Variants in MOB3B observed in about 807,000 individuals in gnomAD.
MOB3B encodes the protein MOB kinase activator-like 2B.
In MOB3B, 7 loss-of-function variants were observed where a neutral mutation model predicts 18.7. The observed-to-expected ratio is 0.37, with a 90% CI of 0.21 to 0.70. MOB3B has a LOEUF of 0.70. Ranked by LOEUF, MOB3B falls within the 30% of genes least tolerant of loss-of-function variation. The pLI, the probability that MOB3B is intolerant of heterozygous loss-of-function variation, is 0.52. For missense variants in MOB3B, 253 were observed against 281.3 expected, an observed-to-expected ratio of 0.90 and a Z score of 0.72; for synonymous variants, 111 against 99.9, an observed-to-expected ratio of 1.11 and a Z score of -0.66.
At chr9:27,335,987 A>C (rs527667711) in intron 3 of MOB3B, among the ~76,000 whole-genome samples, 1 of 152,240 alleles carries the variant, frequency 6.6e-6, no homozygotes, top group South Asian at 2.1e-4. Context: ...CTGAAATCCA[A>C]TGAAAAGGAA....
intron 2 of MOB3B, among the ~76,000 whole-genome samples, chr9:27,374,855 G>A (rs1159954128): frequency 2.0e-5 from 3 of 152,226 alleles, no homozygotes; most frequent in Non-Finnish European, 2.9e-5. Flanking sequence ...GTACTCATCT[G>A]AGGAGCCCCA....
At position 27,398,525 on chromosome 9, in the gene MOB3B, A is replaced by G. The variant is rs541576628; in HGVS notation, c.419-39289T>C. 7.2e-5 allele frequency among the ~76,000 whole-genome samples: 11 copies of G among 152,308 alleles called. No individual in the cohort carries two copies. In the South Asian group the frequency reaches 8.3e-4, roughly 11 times the overall value. On this transcript the variant is annotated intron_variant, in intron 2 of 3. Transcript: ENST00000262244. ...GTCTAATACAGAGCAGGTGTGCACA[A>G]TAAACATTAGGTCTTTCATTCCCTC...
chr9:27,403,516 A>ATTTTTTTTTTTTTTT (rs74178385), intron 2 of MOB3B, among the ~76,000 whole-genome samples: 1 of 79,626 alleles, frequency 1.3e-5, no homozygotes, highest in African/African-American at 4.5e-5. Flanking sequence ...CTCTTTACTA[A>ATTTTTTTTTTTTTTT]TTTTTTTTTT....
intron 2 of MOB3B, among the ~76,000 whole-genome samples, chr9:27,395,626 G>A (rs1356052048): frequency 1.3e-5 from 2 of 152,122 alleles, no homozygotes; most frequent in African/African-American, 4.8e-5. Context: ...ATACTGCAAC[G>A]CTCAGTGATC....
rs143964197 is a variant in MOB3B, at chr9:27,360,307, C to G, written c.419-1071G>C. On this transcript the variant is annotated intron_variant, in intron 2 of 3. Transcript: ENST00000262244. ...TTGCCTGAGGTCAGGAGTTTGAGAC[C>G]AGTCTGGCCAACATGGTGAAACACT... Among the ~76,000 whole-genome samples the G allele has an allele frequency of 1.1e-4, 16 of 152,224 alleles. No individual in the cohort carries two copies. In the East Asian group the frequency reaches 3.1e-3, roughly 29 times the overall value.
intron 2 of MOB3B, chr9:27,397,609 T>G (rs1449309177): frequency 2.0e-5 from 3 of 152,206 alleles, no homozygotes; most frequent in African/African-American, 4.8e-5. Context: ...ATTTTTTTAG[T>G]TCATAGAACC....
intron 1 of MOB3B, among the ~76,000 whole-genome samples, chr9:27,476,006 A>G (rs771235909): frequency 6.6e-6 from 1 of 152,192 alleles, no homozygotes; most frequent in Non-Finnish European, 1.5e-5. Context: ...ATGGCTTCCC[A>G]TCACACTCAG....
At chr9:27,477,358 G>T (rs1819569858) in intron 1 of MOB3B, among the ~76,000 whole-genome samples, 1 of 152,146 alleles carries the variant, frequency 6.6e-6, no homozygotes, top group Admixed American at 6.5e-5. Context: ...CCTCAGAGAG[G>T]TTTCCTTTGC....
chr9:27,380,963 A>G (rs2131374299), intron 2 of MOB3B, among the ~76,000 whole-genome samples: 1 of 152,282 alleles, frequency 6.6e-6, no homozygotes, highest in Non-Finnish European at 1.5e-5. Context: ...CAGATCTAGA[A>G]ATCATCTGGG....
intron 2 of MOB3B, among the ~76,000 whole-genome samples, chr9:27,380,389 CCATGACACCCAG>C (rs915473014): frequency 6.6e-6 from 1 of 151,720 alleles, no homozygotes; most frequent in African/African-American, 2.4e-5. Flanking sequence ...CAGACGCCCG[CCATGACACCCAG>C]CTAATTTTTG....
intron 3 of MOB3B, among the ~76,000 whole-genome samples, chr9:27,333,506 A>C (rs1312236801): frequency 6.6e-6 from 1 of 152,120 alleles, no homozygotes; most frequent in African/African-American, 2.4e-5. Context: ...TGCTCTTTAC[A>C]ATGAATTTGC....
At chr9:27,529,116 G>C (rs1014062638) in intron 1 of MOB3B, among the ~76,000 whole-genome samples, 27 of 152,172 alleles carry the variant, frequency 1.8e-4, no homozygotes, top group African/African-American at 6.5e-4. Context: ...ACGCCCAAGC[G>C]TTGTCCCCCA....
At chr9:27,334,341 T>C (rs571843997) in intron 3 of MOB3B, among the ~76,000 whole-genome samples, 25 of 152,324 alleles carry the variant, frequency 1.6e-4, no homozygotes, top group Middle Eastern at 3.4e-3. Flanking sequence ...CATGAATTTT[T>C]TTCTAAGAAA....
intron 3 of MOB3B, among the ~76,000 whole-genome samples, chr9:27,337,433 G>A (rs575194537): frequency 6.3e-4 from 96 of 152,242 alleles, no homozygotes; most frequent in Non-Finnish European, 1.3e-3. Flanking sequence ...CTGTGCTGGC[G>A]AGGTCTATGC....
chr9:27,499,288 G>A (rs1819950817), intron 1 of MOB3B, among the ~76,000 whole-genome samples: 1 of 152,102 alleles, frequency 6.6e-6, no homozygotes, highest in Non-Finnish European at 1.5e-5. Context: ...GGATGAAGCT[G>A]GAATGCAAGA....
At chr9:27,510,997 A>G (rs1397834241) in intron 1 of MOB3B, among the ~76,000 whole-genome samples, 6 of 152,294 alleles carry the variant, frequency 3.9e-5, no homozygotes, top group African/African-American at 1.4e-4. Flanking sequence ...AGGTCCCATA[A>G]GTCAGGTCAA....
intron 1 of MOB3B, among the ~76,000 whole-genome samples, chr9:27,490,798 G>A (rs998039881): frequency 6.6e-6 from 1 of 152,154 alleles, no homozygotes; most frequent in Non-Finnish European, 1.5e-5. Context: ...ATGTAGCCAC[G>A]TGAAACTAGA....
intron 1 of MOB3B, among the ~76,000 whole-genome samples, chr9:27,481,814 C>G (rs981957581): frequency 6.6e-6 from 1 of 152,050 alleles, no homozygotes; most frequent in Non-Finnish European, 1.5e-5. Flanking sequence ...CGTGAGCCAC[C>G]GCGCCCAGCC....
chr9:27,470,834 A>C (rs1257271709), intron 1 of MOB3B, among the ~76,000 whole-genome samples: 1 of 152,020 alleles, frequency 6.6e-6, no homozygotes, highest in Non-Finnish European at 1.5e-5. Flanking sequence ...GCAAATATTT[A>C]TGGGTTTGAC....
Sources: gnomAD v4.1 joint callset for allele counts (sites outside exome capture counted in the v4.1 genomes callset) on GRCh38, gnomAD v4.1.1 for gene constraint, MANE v1.5 for transcripts, NCBI Gene and HGNC (gene_info 2026-07-23, HGNC 2026-07-21) for gene names.